GCSAML: variants seen among roughly 807,000 people sequenced by gnomAD.
GCSAML encodes the protein germinal center associated signaling and motility like, also known as germinal center-associated signaling and motility-like protein.
GCSAML carries 9 observed loss-of-function variants against 13.0 expected under a neutral mutation model. The observed-to-expected ratio is 0.69, with a 90% confidence interval of 0.42 to 1.21. The LOEUF (loss-of-function observed/expected upper bound fraction) is 1.21, where lower values mean the gene tolerates loss of function less well. GCSAML is among the 50% of genes most tolerant of loss of function. The pLI is 0.00. For missense variants in GCSAML, 143 were observed against 153.4 expected (o/e 0.93, Z 0.36); for synonymous variants, 37 against 52.9 (o/e 0.70, Z 1.31).
intron 2 of GCSAML, among the ~76,000 whole-genome samples, chr1:247,543,731 T>A (rs1332718778): frequency 6.6e-6 from 1 of 152,196 alleles, no homozygotes; most frequent in African/African-American, 2.4e-5. Flanking sequence ...CTTGCTTCTC[T>A]ACCAGCCATA....
upstream of GCSAML, among the ~76,000 whole-genome samples, chr1:247,548,039 C>G (rs1357160126): frequency 2.0e-5 from 3 of 152,216 alleles, no homozygotes; most frequent in Admixed American, 2.0e-4. The surrounding 1 kb of genome is among the most constrained non-coding windows in gnomAD (Gnocchi z 5.3). Context: ...CTGAGTTCTG[C>G]TGCTGGTTAA....
chr1:247,549,009 C>T, upstream of GCSAML: 1 of 1,528,134 alleles, frequency 6.5e-7, no homozygotes, highest in Middle Eastern at 2.0e-4. Flanking sequence ...TCTGCCTCCC[C>T]TTTCGAGCTC....
chr1:247,515,900 C>T (rs1666194053), intron 1 of GCSAML, among the ~76,000 whole-genome samples: 1 of 152,280 alleles, frequency 6.6e-6, no homozygotes, highest in Non-Finnish European at 1.5e-5. Context: ...TGATCAGACT[C>T]AGGAAGCACA....
intron 1 of GCSAML, among the ~76,000 whole-genome samples, chr1:247,509,475 T>G (rs1558230359): frequency 6.6e-6 from 1 of 152,228 alleles, no homozygotes; most frequent in Non-Finnish European, 1.5e-5. Flanking sequence ...ACTTCCTCTC[T>G]TCCTATATGA....
At chr1:247,516,014 G>A (rs2103302700) in intron 1 of GCSAML, among the ~76,000 whole-genome samples, 1 of 152,268 alleles carries the variant, frequency 6.6e-6, no homozygotes, top group South Asian at 2.1e-4. Context: ...TGTCATTTAG[G>A]GTATGATGTT....
At chr1:247,533,286 C>T (rs564949665) in intron 2 of GCSAML, among the ~76,000 whole-genome samples, 8 of 152,232 alleles carry the variant, frequency 5.3e-5, no homozygotes, top group African/African-American at 1.9e-4. Flanking sequence ...ACCATGAAGG[C>T]TTCAGAAGCA....
intron 1 of GCSAML, among the ~76,000 whole-genome samples, chr1:247,515,281 A>G (rs1487445171): frequency 6.6e-6 from 1 of 152,242 alleles, no homozygotes; most frequent in Non-Finnish European, 1.5e-5. Flanking sequence ...CAAATCTCTG[A>G]CAAAGTAATT....
At chr1:247,508,977 C>T (rs372532871) in intron 1 of GCSAML, among the ~76,000 whole-genome samples, 21 of 152,190 alleles carry the variant, frequency 1.4e-4, no homozygotes, top group African/African-American at 5.1e-4. Context: ...AACATCTTGG[C>T]GATTTGGGCT....
At chr1:247,570,301 G>C (rs1273202286) in intron 4 of GCSAML, among the ~76,000 whole-genome samples, 1 of 151,900 alleles carries the variant, frequency 6.6e-6, no homozygotes, top group Non-Finnish European at 1.5e-5. Context: ...GTGATGTTAG[G>C]GTATTGATTT....
chr1:247,508,289 G>A (rs1046196058), intron 1 of GCSAML, among the ~76,000 whole-genome samples: 2 of 152,106 alleles, frequency 1.3e-5, no homozygotes, highest in African/African-American at 4.8e-5. Flanking sequence ...TTTTTCATAT[G>A]TTTGATGGCC....
chr1:247,513,761 G>A (rs1666122472), intron 1 of GCSAML, among the ~76,000 whole-genome samples: 1 of 152,186 alleles, frequency 6.6e-6, no homozygotes, highest in Non-Finnish European at 1.5e-5. Flanking sequence ...GGCTAGGGGA[G>A]GGATTTCTTC....
In GCSAML at chr1:247,527,063, C is replaced by A; in HGVS notation, c.-148+9C>A. ...TTGGATGCCAATCTGAGGTACAAAT[C>A]ACATTTCAAGTGTATTTCCTTGGGT... is the stretch of plus-strand genomic sequence containing the variant. On this transcript the variant is annotated intron_variant, in intron 2 of 5. Transcript: ENST00000366489. The surrounding 1 kb of genome is among the most constrained non-coding windows in gnomAD (Gnocchi z 4.6). The A allele has an allele frequency of 2.2e-6, 1 of 456,696 alleles. No individual in the cohort carries two copies. The highest frequency in any genetic ancestry group is 4.4e-6 in the Non-Finnish European group (1 of 226,958). The allele number at this position is 456,696 out of a possible 1,614,324, so 28.3% of individuals were successfully genotyped here.
At chr1:247,529,462 G>A (rs1666818171) in intron 2 of GCSAML, 2 of 152,216 alleles carry the variant, frequency 1.3e-5, no homozygotes, top group African/African-American at 4.8e-5. Flanking sequence ...ACAATACTGT[G>A]TAAATAAGCA....
chr1:247,568,309 T>A (rs1668466638), intron 4 of GCSAML, among the ~76,000 whole-genome samples: 1 of 152,248 alleles, frequency 6.6e-6, no homozygotes, highest in South Asian at 2.1e-4. Context: ...TGGTTTTAGG[T>A]CCTACATTTA....
intron 3 of GCSAML, 21 bp from the exon 4 acceptor site, chr1:247,565,904 CTTTTTT>C: frequency 2.2e-6 from 3 of 1,368,516 alleles, no homozygotes; most frequent in Admixed American, 5.3e-5. Context: ...TCCTTTCTTT[CTTTTTT>C]TTTTTTTTTT....
At chr1:247,559,523 C>T (rs778046514) in intron 2 of GCSAML, among the ~76,000 whole-genome samples, 2 of 152,230 alleles carry the variant, frequency 1.3e-5, no homozygotes, top group Non-Finnish European at 2.9e-5. Flanking sequence ...AGATCAAGGA[C>T]ACCCAGGGAC....
At chr1:247,513,836 C>T (rs1474788260) in intron 1 of GCSAML, among the ~76,000 whole-genome samples, 1 of 152,178 alleles carries the variant, frequency 6.6e-6, no homozygotes, top group Non-Finnish European at 1.5e-5. Context: ...CCTCTGTGGG[C>T]TGCACCCACT....
chr1:247,549,027 C>T (rs1667674853), upstream of GCSAML: 2 of 1,559,300 alleles, frequency 1.3e-6, no homozygotes, highest in African/African-American at 1.4e-5. Context: ...CTCTTCCTGC[C>T]TTCTCTATCA....
intron 4 of GCSAML, among the ~76,000 whole-genome samples, chr1:247,567,753 ACTGTCTTCCTCAATGGTTGAACTAGT>A (rs1479917332): frequency 1.1e-4 from 16 of 152,204 alleles, no homozygotes; most frequent in African/African-American, 3.6e-4. Flanking sequence ...GAATTGCCAC[ACTGTCTTCCTCAATGGTTGAACTAGT>A]TTATACTCCC....
Sources: allele counts gnomAD v4.1 joint callset (sites outside exome capture counted in the v4.1 genomes callset), GRCh38; gene constraint gnomAD v4.1.1; non-coding constraint Gnocchi (gnomAD v3.1); transcripts MANE v1.5; gene names NCBI Gene and HGNC (gene_info 2026-07-23, HGNC 2026-07-21).